Variants in COL14A1 observed in about 807,000 individuals in gnomAD.
COL14A1 encodes collagen type XIV alpha 1 chain, also known as collagen alpha-1(XIV) chain.
Under a neutral mutation model 230.3 loss-of-function variants are expected in COL14A1, and 136 were observed. That is an observed-to-expected ratio of 0.59 (90% CI 0.51 to 0.68). COL14A1 has a LOEUF of 0.68. Among genes scored for constraint, COL14A1 ranks in the 30% least tolerant of loss-of-function variants. The probability of loss-of-function intolerance (pLI) is 0.00; values close to 1 mark genes in which losing one functional copy is unlikely to be tolerated. For synonymous variants in COL14A1, 792 were observed against 784.1 expected, an observed-to-expected ratio of 1.01 and a Z score of -0.17; for missense variants, 1,976 against 2,215.8, an observed-to-expected ratio of 0.89 and a Z score of 2.17.
chr8:120,301,210 T>A (rs1288714507), intron 36 of COL14A1, among the ~76,000 whole-genome samples: 1 of 152,178 alleles, frequency 6.6e-6, no homozygotes, highest in East Asian at 1.9e-4. Flanking sequence ...TTTAAACTTT[T>A]ACTTTAGGTT....
chr8:120,342,255 C>T, intron 43 of COL14A1, 125 bp from the exon 44 acceptor site: 2 of 888,934 alleles, frequency 2.2e-6, no homozygotes, highest in Middle Eastern at 2.8e-4. Context: ...GTCAAACCCA[C>T]CTGTTGCTAG....
intron 13 of COL14A1, chr8:120,213,904 C>CTT (rs71571669): frequency 3.6e-4 from 147 of 412,244 alleles, no homozygotes; most frequent in Admixed American, 7.8e-4. Flanking sequence ...AATTATATTG[C>CTT]TTTTTTTTCT....
intron 2 of COL14A1, among the ~76,000 whole-genome samples, chr8:120,154,157 G>A (rs944666183): frequency 3.9e-5 from 6 of 152,140 alleles, no homozygotes; most frequent in African/African-American, 1.4e-4. Flanking sequence ...ATTAAAATAA[G>A]TATCTTTACG....
At chr8:120,262,271 G>A (rs751257658) in intron 23 of COL14A1, among the ~76,000 whole-genome samples, 3 of 151,958 alleles carry the variant, frequency 2.0e-5, no homozygotes, top group African/African-American at 7.3e-5. Flanking sequence ...TCAGGAATTC[G>A]AGACCAGCCT....
intron 26 of COL14A1, among the ~76,000 whole-genome samples, chr8:120,273,681 C>A (rs977059357): frequency 4.0e-5 from 6 of 151,168 alleles, no homozygotes; most frequent in Admixed American, 2.0e-4. Context: ...ATAGAAACTA[C>A]AAAATCTGAA....
In COL14A1 at chr8:120,158,335, G is replaced by A. The variant is rs1815550131; in HGVS notation, c.205+89G>A. ...CATGTAGTGCCAAGCATTGTGTTAGGATTTTTTGGAAGCTTTTGGTTTGTT... is the reference window on the plus strand; with the variant it reads ...CATGTAGTGCCAAGCATTGTGTTAGAATTTTTTGGAAGCTTTTGGTTTGTT... On this transcript the variant is annotated intron_variant, in intron 3 of 47. Coordinates refer to ENST00000297848, the MANE Select transcript of COL14A1 (RefSeq NM_021110.4). 6.4e-6 allele frequency: 5 copies of A among 780,420 alleles called. No individual in the cohort carries two copies. The South Asian group carries it at 7.7e-5, about 12-fold the overall frequency. 48.3% of individuals were successfully genotyped at this position (780,420 alleles called of 1,614,324 possible). A position where few individuals can be genotyped will look rare whatever the true frequency, so the allele number is the denominator to read the frequency against.
chr8:120,254,821 CAAAAAAA>C (rs59681431), intron 22 of COL14A1, among the ~76,000 whole-genome samples: 5 of 93,682 alleles, frequency 5.3e-5, no homozygotes, highest in South Asian at 3.8e-4. Context: ...ACTGCCTCTA[CAAAAAAA>C]AAAAAAAAAA....
At position 120,231,537 on chromosome 8, in the gene COL14A1, C is replaced by T; in HGVS notation, c.2268C>T (p.Asp756=). 6.2e-7 allele frequency: 1 copy of T among 1,614,044 alleles called. No individual in the cohort carries two copies. Among genetic ancestry groups the T allele is most frequent in the Non-Finnish European group, 8.5e-7 (1 of 1,179,994 alleles). The part of the protein sequence containing the change: ...ETTSSLRVKW[D]ISDSDVQQFR... The stretch of plus-strand genomic sequence containing the variant: ...CTTCTAGCCTGCGGGTAAAATGGGA[C>T]ATTTCTGACAGCGATGTGCAGCAGT... Residue 756 remains aspartate (D), a synonymous_variant, in exon 19 of 48, where the codon GAC becomes GAT. Transcript: ENST00000297848.
chr8:120,278,506 G>A lies in COL14A1; in HGVS notation c.3409G>A (p.Val1137Ile), dbSNP rs774249760. ...AGGTACAAGAAGGGGCATCCCAAAG[G>A]TTATCGTGGTTATAACTGATGGAAG... is the stretch of plus-strand genomic sequence containing the variant. ...ESGTRRGIPK[V>I]IVVITDGRSQ... The change falls in exon 28 of 48, where the codon GTT becomes ATT. Residue 1137 changes from valine to isoleucine, a missense_variant. Physicochemically the swap from Val to Ile is conservative, Grantham distance 29. Around this residue, in one of 3 missense-constraint regions of COL14A1, gnomAD observed 1,791 missense variants for 2,019.5 expected, o/e 0.89. Transcript: ENST00000297848. The A allele has an allele frequency of 6.2e-7, 1 of 1,613,096 alleles. No homozygotes were observed. Among genetic ancestry groups the A allele is most frequent in the South Asian group, 1.1e-5 (1 of 91,014 alleles).
chr8:120,243,574 A>C (rs191952963), intron 19 of COL14A1, among the ~76,000 whole-genome samples: 1 of 152,350 alleles, frequency 6.6e-6, no homozygotes, highest in East Asian at 1.9e-4. Context: ...CCTGCTATCT[A>C]AACAGGCCAT....
chr8:120,296,435 G>A (rs898235085), intron 34 of COL14A1, among the ~76,000 whole-genome samples: 4 of 151,870 alleles, frequency 2.6e-5, no homozygotes, highest in Non-Finnish European at 4.4e-5. Context: ...TGTTTCAATA[G>A]TACTATCTAC....
intron 37 of COL14A1, among the ~76,000 whole-genome samples, chr8:120,312,965 C>A (rs1821095144): frequency 6.6e-6 from 1 of 152,156 alleles, no homozygotes. Context: ...TCTAATATTT[C>A]TTACATGGTT....
chr8:120,230,528 A>G (rs1028932158), intron 18 of COL14A1, among the ~76,000 whole-genome samples: 3 of 152,052 alleles, frequency 2.0e-5, no homozygotes, highest in East Asian at 1.9e-4. Context: ...GGCCTCAACC[A>G]TATTTCCTAT....
At chr8:120,259,868 AG>A (rs534533050) in intron 23 of COL14A1, among the ~76,000 whole-genome samples, 154 of 152,272 alleles carry the variant, frequency 1.0e-3, no homozygotes, top group Admixed American at 4.8e-3. Context: ...GGAGGCTCTA[AG>A]GGATAGCTAA....
intron 22 of COL14A1, among the ~76,000 whole-genome samples, chr8:120,254,341 C>T (rs184874579): frequency 5.7e-4 from 87 of 152,172 alleles, no homozygotes; most frequent in African/African-American, 1.9e-3. Flanking sequence ...TAATAGGAAC[C>T]TATGTATTTT....
chr8:120,154,667 A>T (rs1353292541), intron 2 of COL14A1, among the ~76,000 whole-genome samples: 1 of 152,156 alleles, frequency 6.6e-6, no homozygotes, highest in African/African-American at 2.4e-5. Flanking sequence ...GTGTGCTGGA[A>T]ATCAAACTTT....
intron 19 of COL14A1, among the ~76,000 whole-genome samples, chr8:120,234,213 C>T (rs549465141): frequency 6.6e-6 from 1 of 152,304 alleles, no homozygotes; most frequent in African/African-American, 2.4e-5. Context: ...AGATCTGGGG[C>T]TGAGATGATG....
At position 120,270,058 on chromosome 8, in the gene COL14A1, C is replaced by G; in HGVS notation, c.3097C>G (p.Leu1033Val). Residue 1033 changes from leucine to valine, a missense_variant, in exon 26 of 48, where the codon CTG (leucine) becomes GTG (valine). Transcript: ENST00000297848. ...KEVCKAAKAD[L>V]VFMVDGSWSI... ...AGTATGTAAGGCGGCCAAGGCTGAC[C>G]TGGTATTTATGGTGGATGGATCCTG... is the stretch of plus-strand genomic sequence containing the variant. The G allele has an allele frequency of 6.2e-7, 1 of 1,611,314 alleles. No homozygotes were observed. The highest frequency in any genetic ancestry group is 8.5e-7 in the Non-Finnish European group (1 of 1,178,230).
chr8:120,305,718 T>A (rs1339655009), intron 36 of COL14A1, among the ~76,000 whole-genome samples: 1 of 152,146 alleles, frequency 6.6e-6, no homozygotes, highest in Non-Finnish European at 1.5e-5. Flanking sequence ...TTTTTATTTG[T>A]GTTACATATA....
Sources: gnomAD v4.1 joint callset for allele counts (sites outside exome capture counted in the v4.1 genomes callset) on GRCh38, gnomAD v4.1.1 for gene constraint, gnomAD v4.1.1 regional missense constraint, MANE v1.5 for transcripts, NCBI Gene and HGNC (gene_info 2026-07-23, HGNC 2026-07-21) for gene names.